The following DAAM2 variants were observed in gnomAD, a reference collection of about 807,000 sequenced individuals.
DAAM2 encodes the protein dishevelled associated activator of morphogenesis 2.
DAAM2 carries 39 observed loss-of-function variants against 120.7 expected under a neutral mutation model. The ratio of observed to expected loss-of-function variants is 0.32; its 90% confidence interval spans 0.25 to 0.42. The LOEUF is 0.42. Among genes scored for constraint, DAAM2 ranks in the 10% least tolerant of loss-of-function variants. The probability of loss-of-function intolerance (pLI) is 1.00; values close to 1 mark genes in which losing one functional copy is unlikely to be tolerated. For synonymous variants in DAAM2, 488 were observed against 524.9 expected (o/e 0.93, Z 0.96); for missense variants, 1,283 against 1,401.7 (o/e 0.92, Z 1.35).
chr6:39,872,200 A>G (rs1287179637), intron 9 of DAAM2, among the ~76,000 whole-genome samples: 1 of 152,134 alleles, frequency 6.6e-6, no homozygotes, highest in African/African-American at 2.4e-5. Context: ...CAGTCCTCTG[A>G]TTCAAATGCC....
Position 39,878,576 on chromosome 6 carries a change from C to T in DAAM2, c.1533C>T (p.Leu511=), listed in dbSNP as rs749210645. Residue 511 remains leucine (L), a synonymous_variant, in exon 13 of 25, where the codon CTC becomes CTT. Transcript: ENST00000274867. This position sits in a 1 kb window ranked among gnomAD's most constrained non-coding sequence, Gnocchi z 5.0. Reference sequence around the variant, plus strand: ...AAGTGGCAGAGCTGGTAGCCCAGCTCAGTGAACTCTCAGTATGCAAGCATC... The same window carrying T: ...AAGTGGCAGAGCTGGTAGCCCAGCTTAGTGAACTCTCAGTATGCAAGCATC... ...RGQVAELVAQ[L]SELSTGPVSS... 4 of 1,604,996 alleles carry T rather than the reference C, an allele frequency of 2.5e-6. No individual in the cohort carries two copies. Among genetic ancestry groups the T allele is most frequent in the Non-Finnish European group, 3.4e-6 (4 of 1,176,084 alleles).
At chr6:39,843,295 G>A (rs1158986070) in intron 1 of DAAM2, among the ~76,000 whole-genome samples, 1 of 152,124 alleles carries the variant, frequency 6.6e-6, no homozygotes, top group African/African-American at 2.4e-5. Flanking sequence ...CGGAAAGCAG[G>A]GAGTGTGGAG....
rs1172612530 is a variant in DAAM2, at chr6:39,867,536, A to G, written c.455A>G (p.Glu152Gly). 1 of 1,613,988 alleles carries G rather than the reference A, an allele frequency of 6.2e-7. No homozygotes were observed. Among genetic ancestry groups the G allele is most frequent in the African/African-American group, 1.3e-5 (1 of 75,058 alleles). Residue 152 changes from glutamate to glycine, a missense_variant, in exon 6 of 25, where the codon GAG becomes GGG. By Grantham distance (98) the Glu-to-Gly change is moderately conservative (BLOSUM62 -2). Transcript: ENST00000274867. ...MRFVTRFIEL[E>G]GLTCLLNFLR... The stretch of plus-strand genomic sequence containing the variant: ...TTTGTGACCCGCTTCATTGAGCTGG[A>G]GGGCTTGACCTGTCTGCTAAATTTC...
At chr6:39,881,493 C>T (rs1765116851) in intron 14 of DAAM2, among the ~76,000 whole-genome samples, 1 of 152,078 alleles carries the variant, frequency 6.6e-6, no homozygotes, top group African/African-American at 2.4e-5. Context: ...CCAAGGCGGG[C>T]AGATCACAAG....
At chr6:39,895,742 C>T (rs1196335653) in intron 19 of DAAM2, among the ~76,000 whole-genome samples, 8 of 152,198 alleles carry the variant, frequency 5.3e-5, no homozygotes, top group African/African-American at 1.2e-4. Flanking sequence ...CCCTTCTGCA[C>T]ACCCACCATA....
At chr6:39,868,106 C>A in intron 6 of DAAM2, 1 of 474,200 alleles carries the variant, frequency 2.1e-6, no homozygotes, top group Non-Finnish European at 3.8e-6. Flanking sequence ...TCCTGGAAGC[C>A]GGAATATTGG....
At chr6:39,850,809 G>A (rs905451832) in intron 1 of DAAM2, among the ~76,000 whole-genome samples, 1 of 152,140 alleles carries the variant, frequency 6.6e-6, no homozygotes, top group African/African-American at 2.4e-5. Flanking sequence ...TCCTTGTCCT[G>A]TTACCCCTGT....
intron 22 of DAAM2, 120 bp from the exon 23 acceptor site, chr6:39,899,957 G>A: frequency 2.8e-6 from 3 of 1,078,168 alleles, no homozygotes; most frequent in Non-Finnish European, 3.8e-6. Context: ...TTGAGATGCA[G>A]GGTGTTCCCT....
Position 39,901,501 on chromosome 6 carries a change from AG to A in DAAM2, c.2982+33del. 6.3e-7 allele frequency: 1 copy of A among 1,588,490 alleles called. No individual in the cohort carries two copies. The highest frequency in any genetic ancestry group is 8.5e-7 in the Non-Finnish European group (1 of 1,172,432). ...AGGGGCAGTGCCAGGCCTGGGACTG[AG>A]GGGAGACGGGTGCTACTTGGGGAGA... On this transcript the variant is annotated intron_variant, in intron 24 of 24. Transcript: ENST00000274867. The surrounding 1 kb of genome is among the most constrained non-coding windows in gnomAD (Gnocchi z 4.5).
In DAAM2 at chr6:39,903,120, T is replaced by C. The variant is rs896567206; in HGVS notation, c.*1083T>C. ...GCCTGCAGGTGGCCACTTGGAACCA[T>C]GTGTCCACTGGCGTTGGGGAGTTGG... On this transcript the variant is annotated 3_prime_UTR_variant, in exon 25 of 25. Coordinates refer to ENST00000274867, the MANE Select transcript of DAAM2 (RefSeq NM_001201427.2). The C allele has an allele frequency of 2.0e-5, 3 of 152,192 alleles. No individual in the cohort carries two copies. The South Asian group carries it at 6.2e-4, about 32-fold the overall frequency. 9.4% of individuals were successfully genotyped at this position (152,192 alleles called of 1,614,324 possible).
intron 1 of DAAM2, among the ~76,000 whole-genome samples, chr6:39,807,747 C>T (rs1019904148): frequency 1.3e-5 from 2 of 152,162 alleles, no homozygotes; most frequent in Non-Finnish European, 2.9e-5. Flanking sequence ...GAACTTCTGA[C>T]CTCAAGTGAC....
At chr6:39,841,254 A>G (rs1467337888) in intron 1 of DAAM2, among the ~76,000 whole-genome samples, 1 of 66,210 alleles carries the variant, frequency 1.5e-5, no homozygotes, top group Non-Finnish European at 2.6e-5. Flanking sequence ...GGGCGCTGGG[A>G]AGAGGGGCTC....
At chr6:39,845,543 A>G (rs1044254267) in intron 1 of DAAM2, among the ~76,000 whole-genome samples, 7 of 151,324 alleles carry the variant, frequency 4.6e-5, no homozygotes, top group Non-Finnish European at 8.9e-5. Context: ...CACATACATA[A>G]ACATACACCA....
In DAAM2 at chr6:39,878,309, CTGCCCAGCCCATAACTCCA is replaced by C. The variant is rs1562047191; in HGVS notation, c.1360+54_1361-71del. On this transcript the variant is annotated intron_variant, in intron 12 of 24. Coordinates refer to ENST00000274867, the MANE Select transcript of DAAM2 (RefSeq NM_001201427.2). The surrounding 1 kb of genome is among the most constrained non-coding windows in gnomAD (Gnocchi z 5.0). ...GCTGTCCACTCCACATGCCCTTCCC[CTGCCCAGCCCATAACTCCA>C]TGCCCTTCCAGGCAGGGAGTCACAT... 1.2e-6 allele frequency: 2 copies of C among 1,612,312 alleles called. No homozygotes were observed. The highest frequency in any genetic ancestry group is 1.7e-6 in the Non-Finnish European group (2 of 1,178,832).
intron 1 of DAAM2, among the ~76,000 whole-genome samples, chr6:39,845,195 A>G (rs530932303): frequency 1.6e-5 from 1 of 62,294 alleles, no homozygotes; most frequent in African/African-American, 5.6e-5. Context: ...CATACACCAG[A>G]CATGCACATA....
At chr6:39,828,865 A>C (rs182781422) in intron 1 of DAAM2, among the ~76,000 whole-genome samples, 97 of 152,292 alleles carry the variant, frequency 6.4e-4, no homozygotes, top group African/African-American at 2.3e-3. Context: ...TAGAGCCATC[A>C]TGACTTAATC....
In DAAM2 at chr6:39,887,325, G is replaced by T. The variant is rs899251106; in HGVS notation, c.1954-161G>T. 8.7e-6 allele frequency: 5 copies of T among 576,048 alleles called. No homozygotes were observed. In the African/African-American group the frequency reaches 9.4e-5, roughly 11 times the overall value. 35.7% of individuals were successfully genotyped at this position (576,048 alleles called of 1,614,324 possible). On this transcript the variant is annotated intron_variant, in intron 15 of 24. Coordinates refer to ENST00000274867, the MANE Select transcript of DAAM2 (RefSeq NM_001201427.2). ...AAAGTCCCAGATACCGTCTCTTAAA[G>T]TTAGCTATTATCCACCCTCCTCTCT...
chr6:39,838,217 A>G (rs1763182399), intron 1 of DAAM2, among the ~76,000 whole-genome samples: 1 of 152,224 alleles, frequency 6.6e-6, no homozygotes, highest in African/African-American at 2.4e-5. Context: ...TCAACTAGAG[A>G]TCACAGTAAT....
At chr6:39,865,738 G>C (rs887416520) in intron 5 of DAAM2, among the ~76,000 whole-genome samples, 1 of 152,178 alleles carries the variant, frequency 6.6e-6, no homozygotes. Flanking sequence ...GTTGTTAAAC[G>C]TAGCTATGAT....
Sources: allele counts gnomAD v4.1 joint callset (sites outside exome capture counted in the v4.1 genomes callset), GRCh38; gene constraint gnomAD v4.1.1; non-coding constraint Gnocchi (gnomAD v3.1); transcripts MANE v1.5; gene names NCBI Gene and HGNC (gene_info 2026-07-23, HGNC 2026-07-21).